CNTN3: variants seen among roughly 807,000 people sequenced by gnomAD.
CNTN3 encodes contactin 3.
A neutral mutation model predicts 119.1 loss-of-function variants in CNTN3; 60 were observed. That is an observed-to-expected ratio of 0.50 (90% CI 0.41 to 0.62). The LOEUF (loss-of-function observed/expected upper bound fraction) is 0.62, where lower values mean the gene tolerates loss of function less well. Ranked by LOEUF, CNTN3 falls within the 20% of genes least tolerant of loss-of-function variation. The pLI, the probability that CNTN3 is intolerant of heterozygous loss-of-function variation, is 0.00. For synonymous variants in CNTN3, 450 were observed against 438.7 expected (o/e 1.03, Z -0.32); for missense variants, 1,101 against 1,242.4 (o/e 0.89, Z 1.71).
chr3:74,421,023 T>C (rs1479356020), intron 5 of CNTN3, among the ~76,000 whole-genome samples: 1 of 152,126 alleles, frequency 6.6e-6, no homozygotes, highest in Non-Finnish European at 1.5e-5. Flanking sequence ...CAGACTCTAA[T>C]GTACATTATC....
chr3:74,421,788 T>C (rs1040246480), intron 5 of CNTN3, among the ~76,000 whole-genome samples: 1 of 152,176 alleles, frequency 6.6e-6, no homozygotes, highest in Non-Finnish European at 1.5e-5. Flanking sequence ...GTTGTACTGA[T>C]ATACCCCGGA....
chr3:74,526,293 C>A (rs541158259), intron 1 of CNTN3, among the ~76,000 whole-genome samples: 7 of 151,750 alleles, frequency 4.6e-5, no homozygotes, highest in African/African-American at 1.7e-4. Context: ...AAGTTTGATA[C>A]CTTTGGGTGT....
chr3:74,559,677 A>AAAGG (rs1704123271), intron 1 of CNTN3, among the ~76,000 whole-genome samples: 1 of 152,178 alleles, frequency 6.6e-6, no homozygotes, highest in African/African-American at 2.4e-5. Context: ...AAAGGGGGAA[A>AAAGG]AAGGAAAAGA....
chr3:74,360,376 G>A (rs1704049449), intron 11 of CNTN3, among the ~76,000 whole-genome samples: 1 of 152,140 alleles, frequency 6.6e-6, no homozygotes, highest in Non-Finnish European at 1.5e-5. Flanking sequence ...ATAAAGCTTA[G>A]TGGTTATATC....
chr3:74,590,705 C>T (rs992538339), intron 1 of CNTN3, among the ~76,000 whole-genome samples: 1 of 152,038 alleles, frequency 6.6e-6, no homozygotes. Flanking sequence ...GTTTTCTGAG[C>T]TTACAAATAA....
At chr3:74,396,562 C>T (rs373684885) in intron 5 of CNTN3, among the ~76,000 whole-genome samples, 18 of 145,154 alleles carry the variant, frequency 1.2e-4, no homozygotes, top group South Asian at 7.3e-4. Context: ...CTGGCTAACA[C>T]GGTGAAACAC....
At chr3:74,428,786 G>C (rs1384770647) in intron 4 of CNTN3, among the ~76,000 whole-genome samples, 1 of 152,120 alleles carries the variant, frequency 6.6e-6, no homozygotes, top group African/African-American at 2.4e-5. Context: ...ACCCACAACA[G>C]CCTCCAGTCC....
intron 1 of CNTN3, among the ~76,000 whole-genome samples, chr3:74,596,009 A>C (rs1443437569): frequency 6.6e-6 from 1 of 152,158 alleles, no homozygotes; most frequent in South Asian, 2.1e-4. Flanking sequence ...ATACAAAATC[A>C]ATGTACAAAA....
intron 1 of CNTN3, among the ~76,000 whole-genome samples, chr3:74,526,472 T>C (rs565252746): frequency 6.6e-6 from 1 of 151,986 alleles, no homozygotes; most frequent in South Asian, 2.1e-4. Flanking sequence ...AGTCACTCAC[T>C]CATTCACTCA....
chr3:74,523,521 T>C (rs954727727), intron 1 of CNTN3, among the ~76,000 whole-genome samples: 4 of 151,862 alleles, frequency 2.6e-5, no homozygotes, highest in Non-Finnish European at 5.9e-5. Context: ...AGTACATTGA[T>C]TGAACTGGTA....
intron 1 of CNTN3, among the ~76,000 whole-genome samples, chr3:74,530,030 T>C (rs1240814945): frequency 1.3e-5 from 2 of 152,036 alleles, no homozygotes; most frequent in Non-Finnish European, 2.9e-5. Flanking sequence ...CCTCACCTCA[T>C]AATCATGGAA....
At chr3:74,285,599 C>G in intron 19 of CNTN3, 108 bp from the exon 20 acceptor site, 1 of 1,109,274 alleles carries the variant, frequency 9.0e-7, no homozygotes, top group East Asian at 2.5e-5. Context: ...TTTGTTCAAC[C>G]AATATTTACT....
intron 13 of CNTN3, among the ~76,000 whole-genome samples, chr3:74,306,891 T>C (rs1702574688): frequency 6.6e-6 from 1 of 152,188 alleles, no homozygotes. Flanking sequence ...AGTCCTTATG[T>C]TCATAGGGCA....
At chr3:74,506,539 T>G (rs928717134) in intron 2 of CNTN3, among the ~76,000 whole-genome samples, 9 of 152,154 alleles carry the variant, frequency 5.9e-5, no homozygotes, top group African/African-American at 2.2e-4. Flanking sequence ...CTATTTTCTT[T>G]TTATGAATGT....
chr3:74,436,085 T>C (rs1049410226), intron 4 of CNTN3, among the ~76,000 whole-genome samples: 14 of 152,254 alleles, frequency 9.2e-5, no homozygotes, highest in Non-Finnish European at 1.5e-5. Flanking sequence ...CATATACATG[T>C]GTACATGAAG....
intron 4 of CNTN3, among the ~76,000 whole-genome samples, chr3:74,430,454 G>T (rs1170353043): frequency 6.6e-6 from 1 of 152,026 alleles, no homozygotes; most frequent in African/African-American, 2.4e-5. Flanking sequence ...TTAGAAATAG[G>T]GTTTAGTGCT....
intron 5 of CNTN3, among the ~76,000 whole-genome samples, chr3:74,417,735 G>A (rs989278492): frequency 3.3e-5 from 5 of 152,080 alleles, no homozygotes; most frequent in African/African-American, 1.2e-4. Flanking sequence ...ATATTTTATA[G>A]TTATCCATAT....
intron 3 of CNTN3, among the ~76,000 whole-genome samples, chr3:74,489,393 C>T (rs528820763): frequency 6.6e-6 from 1 of 150,948 alleles, no homozygotes; most frequent in Admixed American, 6.6e-5. Context: ...AAAGCCCTTC[C>T]CTCCCTCCTC....
At chr3:74,293,652 T>G (rs1399379074) in intron 19 of CNTN3, among the ~76,000 whole-genome samples, 1 of 152,086 alleles carries the variant, frequency 6.6e-6, no homozygotes, top group African/African-American at 2.4e-5. Flanking sequence ...TTTTTGTATA[T>G]TTTGTTGAGA....
Sources: allele counts gnomAD v4.1 joint callset (sites outside exome capture counted in the v4.1 genomes callset), GRCh38; gene constraint gnomAD v4.1.1; transcripts MANE v1.5; gene names NCBI Gene and HGNC (gene_info 2026-07-23, HGNC 2026-07-21).